The following SLC25A48 variants were observed in gnomAD, a reference collection of about 807,000 sequenced individuals.
The protein encoded by SLC25A48 is solute carrier family 25 member 48.
Under a neutral mutation model 32.2 loss-of-function variants are expected in SLC25A48, and 29 were observed. The observed-to-expected ratio is 0.90, with a 90% CI of 0.67 to 1.23. The LOEUF (loss-of-function observed/expected upper bound fraction) is 1.23, where lower values mean the gene tolerates loss of function less well. SLC25A48 is among the 50% of genes most tolerant of loss of function. SLC25A48 has a pLI of 0.00. For missense variants in SLC25A48, 399 were observed against 422.7 expected (o/e 0.94, Z 0.49); for synonymous variants, 164 against 172.3 (o/e 0.95, Z 0.38).
At chr5:135,612,844 C>T (rs2880870) in intron 1 of SLC25A48, among the ~76,000 whole-genome samples, 15,605 of 152,206 alleles carry the variant, frequency 0.1, 900 homozygotes, top group African/African-American at 0.16. Flanking sequence ...AGATTGATTC[C>T]ATATCTTGGT....
At position 135,874,114 on chromosome 5, in the gene SLC25A48, T is replaced by G; in HGVS notation, c.773T>G (p.Leu258Arg). 6.6e-7 allele frequency: 1 copy of G among 1,506,448 alleles called. No individual in the cohort carries two copies. Among genetic ancestry groups the G allele is most frequent in the Non-Finnish European group, 8.8e-7 (1 of 1,136,304 alleles). 93.3% of individuals were successfully genotyped at this position (1,506,448 alleles called of 1,614,324 possible). ...GVYLNKYKGV[L>R]DCISQSYQKE... Reference sequence around the variant, plus strand: ...TATTTAAACAAATATAAAGGTGTCCTGGACTGTATCTCCCAGAGTTACCAG... The same window carrying G: ...TATTTAAACAAATATAAAGGTGTCCGGGACTGTATCTCCCAGAGTTACCAG... Residue 258 changes from leucine (L) to arginine (R), a missense_variant, in exon 6 of 8, where the codon CTG (leucine) becomes CGG (arginine). Physicochemically the swap from Leu to Arg is moderately radical, Grantham distance 102 (BLOSUM62 -2). Coordinates refer to ENST00000681962, the MANE Select transcript of SLC25A48 (RefSeq NM_001349336.2).
At chr5:135,635,714 C>CAA (rs1441859363) in intron 3 of SLC25A48, among the ~76,000 whole-genome samples, 1 of 152,076 alleles carries the variant, frequency 6.6e-6, no homozygotes, top group Non-Finnish European at 1.5e-5. Context: ...TTCAATTTAC[C>CAA]AACAAGACAT....
At chr5:135,850,631 C>T (rs1759779207) in intron 3 of SLC25A48, 135 bp downstream of exon 3, 2 of 736,526 alleles carry the variant, frequency 2.7e-6, no homozygotes, top group East Asian at 2.7e-5. Flanking sequence ...ATTTTCCCTA[C>T]TTCATCTCAC....
At position 135,817,928 on chromosome 5, in the gene SLC25A48, C is replaced by T. The variant is rs148688548; in HGVS notation, c.-117+5002C>T. Among the ~76,000 whole-genome samples the T allele has an allele frequency of 7.4e-3, 1,132 of 152,214 alleles. 6 individuals carry two copies. The highest frequency in any genetic ancestry group is 0.012 in the Non-Finnish European group (807 of 68,012). ...ACTATACCAAAAACTCTATACAAAA[C>T]GCAAAAACTAGCTACCCGAGAACTC... On this transcript the variant is annotated intron_variant, in intron 4 of 10. Coordinates refer to the SLC25A48 transcript ENST00000646290.
chr5:135,688,214 T>C (rs1754062872), intron 3 of SLC25A48, among the ~76,000 whole-genome samples: 1 of 152,230 alleles, frequency 6.6e-6, no homozygotes, highest in Admixed American at 6.5e-5. Context: ...GTTCTTCCCT[T>C]TTTAAGGCTG....
intron 3 of SLC25A48, among the ~76,000 whole-genome samples, chr5:135,673,652 G>A (rs1753704380): frequency 2.0e-5 from 3 of 151,974 alleles, no homozygotes; most frequent in African/African-American, 7.2e-5. Flanking sequence ...TATTTTCTGA[G>A]TCTGTGGCAT....
At position 135,665,338 on chromosome 5, in the gene SLC25A48, G is replaced by A. The variant is rs532334381; in HGVS notation, c.-521+30382G>A. On this transcript the variant is annotated intron_variant, in intron 3 of 10. Transcript: ENST00000646290. ...TCTGGATACTAGTCCTTTGTTGGAT[G>A]CGTAGTTGGCAAATATTTTCTCTTA... 2.0e-5 allele frequency among the ~76,000 whole-genome samples: 3 copies of A among 152,140 alleles called. No homozygotes were observed. In the South Asian group the frequency reaches 6.2e-4, roughly 32 times the overall value.
intron 3 of SLC25A48, among the ~76,000 whole-genome samples, chr5:135,724,004 A>G (rs1229446098): frequency 6.6e-6 from 1 of 151,492 alleles, no homozygotes; most frequent in African/African-American, 2.4e-5. Context: ...TTATTTAAAT[A>G]AGTGTCTTTG....
chr5:135,683,646 T>C (rs1269505258), intron 3 of SLC25A48, among the ~76,000 whole-genome samples: 2 of 152,102 alleles, frequency 1.3e-5, no homozygotes, highest in African/African-American at 4.8e-5. Flanking sequence ...TTGGACAGCT[T>C]CCTAGGAATG....
intron 1 of SLC25A48, among the ~76,000 whole-genome samples, chr5:135,582,230 T>C (rs1400325793): frequency 3.3e-5 from 5 of 152,162 alleles, no homozygotes; most frequent in African/African-American, 9.7e-5. Flanking sequence ...TTTACATTTA[T>C]TGAGCACCCA....
At chr5:135,634,079 A>G (rs55874227) in intron 2 of SLC25A48, among the ~76,000 whole-genome samples, 4,658 of 152,290 alleles carry the variant, frequency 0.031, 100 homozygotes, top group Non-Finnish European at 0.047. Flanking sequence ...TACCTTGCCC[A>G]TGGCTCTATC....
chr5:135,713,787 G>A (rs1039084970), intron 3 of SLC25A48, among the ~76,000 whole-genome samples: 5 of 152,216 alleles, frequency 3.3e-5, no homozygotes, highest in African/African-American at 1.2e-4. Flanking sequence ...CTCTGGTGGG[G>A]CAGAGAATCC....
At chr5:135,860,462 T>A (rs1719260271) in intron 4 of SLC25A48, among the ~76,000 whole-genome samples, 1 of 152,250 alleles carries the variant, frequency 6.6e-6, no homozygotes. Context: ...GCCCACATCC[T>A]GTCCAAGGGA....
At chr5:135,693,965 A>C (rs1488828817) in intron 3 of SLC25A48, among the ~76,000 whole-genome samples, 1 of 152,202 alleles carries the variant, frequency 6.6e-6, no homozygotes, top group East Asian at 1.9e-4. Context: ...TCTGGAGAAA[A>C]AAAAGCATTT....
intron 3 of SLC25A48, among the ~76,000 whole-genome samples, chr5:135,646,659 TTATATA>T (rs34299516): frequency 2.4e-4 from 30 of 125,280 alleles, no homozygotes; most frequent in South Asian, 2.6e-4. Flanking sequence ...TAATTTCCCA[TTATATA>T]TATATATATA....
intron 2 of SLC25A48, among the ~76,000 whole-genome samples, chr5:135,632,292 C>T (rs1386476937): frequency 1.3e-5 from 2 of 152,180 alleles, no homozygotes; most frequent in Admixed American, 1.3e-4. Context: ...CTGACTCAGG[C>T]TTCCATGTGG....
chr5:135,603,322 T>A (rs1751845594), intron 1 of SLC25A48, among the ~76,000 whole-genome samples: 1 of 152,260 alleles, frequency 6.6e-6, no homozygotes, highest in South Asian at 2.1e-4. Context: ...GCCTCACAGC[T>A]GCAGTGGGAT....
At chr5:135,883,721 T>A (rs1371643440) in intron 7 of SLC25A48, among the ~76,000 whole-genome samples, 1 of 152,142 alleles carries the variant, frequency 6.6e-6, no homozygotes, top group Non-Finnish European at 1.5e-5. Flanking sequence ...GTGGCACACG[T>A]TGGTGACTTG....
At chr5:135,670,383 G>A (rs1753626485) in intron 3 of SLC25A48, among the ~76,000 whole-genome samples, 1 of 152,168 alleles carries the variant, frequency 6.6e-6, no homozygotes. Context: ...CAGGCTAGAG[G>A]CCTCCCAGAT....
Sources: allele counts gnomAD v4.1 joint callset (sites outside exome capture counted in the v4.1 genomes callset), GRCh38; gene constraint gnomAD v4.1.1; transcripts MANE v1.5; gene names NCBI Gene and HGNC (gene_info 2026-07-23, HGNC 2026-07-21).